The following ALOXE3 variants were observed in gnomAD, a reference collection of about 807,000 sequenced individuals.
ALOXE3 encodes arachidonate epidermal lipoxygenase 3.
Under a neutral mutation model 87.5 loss-of-function variants are expected in ALOXE3, and 78 were observed. The observed-to-expected ratio is 0.89, with a 90% CI of 0.74 to 1.08. The LOEUF (loss-of-function observed/expected upper bound fraction) is 1.08, where lower values mean the gene tolerates loss of function less well. Among genes scored for constraint, ALOXE3 ranks in the 50% least tolerant of loss-of-function variants. ALOXE3 has a pLI of 0.00. For synonymous variants in ALOXE3, 363 were observed against 370.8 expected (o/e 0.98, Z 0.24); for missense variants, 946 against 912.4 (o/e 1.04, Z -0.47).
intron 13 of ALOXE3, among the ~76,000 whole-genome samples, chr17:8,104,692 G>C (rs1979160787): frequency 6.6e-6 from 1 of 152,240 alleles, no homozygotes; most frequent in Non-Finnish European, 1.5e-5. Flanking sequence ...ACCAGAGCTT[G>C]GCTCTTTGAG....
Position 8,118,120 on chromosome 17 carries a change from C to G in ALOXE3, c.-130G>C, listed in dbSNP as rs759559037. 4.1e-5 allele frequency: 63 copies of G among 1,551,976 alleles called. No homozygotes were observed. The highest frequency in any genetic ancestry group is 4.0e-5 in the Non-Finnish European group (46 of 1,147,696). On this transcript the variant is annotated 5_prime_UTR_variant, in exon 2 of 16. Transcript: ENST00000448843. Reference sequence around the variant, plus strand: ...CTAGGGGCTGCGGGGCTGGGTAGGGCTGAGGATGGGCCCAGCTCTCTCTGG... The same window carrying G: ...CTAGGGGCTGCGGGGCTGGGTAGGGGTGAGGATGGGCCCAGCTCTCTCTGG...
intron 7 of ALOXE3, 56 bp downstream of exon 7, chr17:8,112,037 G>C: frequency 6.7e-7 from 1 of 1,483,988 alleles, no homozygotes. Flanking sequence ...GGAGAGGAAG[G>C]GGTCTGAGCA....
chr17:8,104,045 C>T, intron 14 of ALOXE3, 70 bp downstream of exon 14: 8 of 1,416,324 alleles, frequency 5.6e-6, no homozygotes, highest in African/African-American at 1.4e-5. Flanking sequence ...CCCAAGCTCT[C>T]AACCCAAATT....
At chr17:8,104,080 C>A in intron 14 of ALOXE3, 35 bp downstream of exon 14, 1 of 1,588,452 alleles carries the variant, frequency 6.3e-7, no homozygotes, top group Non-Finnish European at 8.6e-7. Context: ...ATTGCTGAGA[C>A]CTGATGTCCC....
In ALOXE3 at chr17:8,098,228, G is replaced by GTTTTT. The variant is rs201308859; in HGVS notation, c.1957-1427_1957-1423dup. ...CAGTGTTTTTTGAAATATACTTTTG[G>GTTTTT]TTTTTGTTTTTTTTTTTTTTTTTTT... On this transcript the variant is annotated intron_variant, in intron 15 of 15. Transcript: ENST00000448843. Among the ~76,000 whole-genome samples, 21 of 88,130 alleles carry GTTTTT rather than the reference G, an allele frequency of 2.4e-4. 1 individual carries two copies. Among genetic ancestry groups the GTTTTT allele is most frequent in the East Asian group, 1.5e-3 (4 of 2,706 alleles). 57.8% of individuals were successfully genotyped at this position (88,130 alleles called of 152,430 possible).
rs770416390 is a variant in ALOXE3 at position 8,108,458 on chromosome 17, G to C, written c.1684+10C>G. 8.7e-6 allele frequency: 14 copies of C among 1,612,114 alleles called. No individual in the cohort carries two copies. Among genetic ancestry groups the C allele is most frequent in the Admixed American group, 3.3e-5 (2 of 59,942 alleles). On this transcript the variant is annotated intron_variant, in intron 13 of 15. Coordinates refer to ENST00000448843, the MANE Select transcript of ALOXE3 (RefSeq NM_021628.3). ...AGAGCTACACGGAAAGTGGGATAGA[G>C]AGGGGATACCTGAGCTTTCCCGGCC...
In ALOXE3 at chr17:8,118,245, T is replaced by A. The variant is rs1186216946; in HGVS notation, c.-255A>T. On this transcript the variant is annotated 5_prime_UTR_variant, in exon 2 of 16. Transcript: ENST00000448843. ...ACTCTAATACTTGTTTGCTTGCCTC[T>A]GACACAGCCGGTCCCTCTGGCTGGC... 1 of 1,551,720 alleles carries A rather than the reference T, an allele frequency of 6.4e-7. No homozygotes were observed.
Position 8,104,191 on chromosome 17 carries a change from G to C in ALOXE3, c.1709C>G (p.Pro570Arg). 6.2e-7 allele frequency: 1 copy of C among 1,613,912 alleles called. No individual in the cohort carries two copies. Among genetic ancestry groups the C allele is most frequent in the Non-Finnish European group, 8.5e-7 (1 of 1,179,936 alleles). Residue 570 changes from proline to arginine, a missense_variant, in exon 14 of 16, where the codon CCA (proline) becomes CGA (arginine). Transcript: ENST00000448843. ...SSGFPSRLCTPGEMVKFLTAI... is the reference protein window; with the variant it reads ...SSGFPSRLCTRGEMVKFLTAI... ...AGTGAGGAACTTCACCATCTCTCCT[G>C]GGGTGCACAGCCGGCTTGGGAAACC...
chr17:8,099,660 C>CA (rs765798080), intron 15 of ALOXE3, among the ~76,000 whole-genome samples: 13,505 of 107,738 alleles, frequency 0.13, 698 homozygotes, highest in Middle Eastern at 0.21. Flanking sequence ...GACTCTGTCT[C>CA]AAAAAAAAAA....
chr17:8,117,486 T>G (rs1290057441), intron 2 of ALOXE3, among the ~76,000 whole-genome samples: 1 of 152,180 alleles, frequency 6.6e-6, no homozygotes, highest in East Asian at 1.9e-4. Context: ...CTAGGCCGGC[T>G]GGGAACTCTT....
chr17:8,105,374 C>T (rs1979220787), intron 13 of ALOXE3, among the ~76,000 whole-genome samples: 2 of 152,138 alleles, frequency 1.3e-5, no homozygotes, highest in South Asian at 4.1e-4. Context: ...TGCATCAGCT[C>T]CTGAGAGGCC....
intron 13 of ALOXE3, 51 bp from the exon 14 acceptor site, chr17:8,104,266 C>T (rs1055751244): frequency 1.4e-6 from 2 of 1,410,554 alleles, no homozygotes; most frequent in Non-Finnish European, 2.0e-6. Flanking sequence ...TACTGGATTC[C>T]TAGGGCCAGC....
intron 8 of ALOXE3, 99 bp downstream of exon 8, chr17:8,111,260 G>A: frequency 1.4e-6 from 2 of 1,466,412 alleles, no homozygotes; most frequent in East Asian, 2.3e-5. Flanking sequence ...GTGAAATGCA[G>A]CCCAGGCCAT....
At position 8,104,137 on chromosome 17, in the gene ALOXE3, T is replaced by C. The variant is rs1031908205; in HGVS notation, c.1763A>G (p.His588Arg). 1 of 1,613,876 alleles carries C rather than the reference T, an allele frequency of 6.2e-7. No homozygotes were observed. Among genetic ancestry groups the C allele is most frequent in the Non-Finnish European group, 8.5e-7 (1 of 1,179,966 alleles). ...CACCTGCCCACTGTTGACAGCAGCG[T>C]GCTGGGCAGAGCAATTGAAGATGAT... ...TAIIFNCSAQ[H>R]AAVNSGQHDF... Residue 588 changes from histidine (H) to arginine (R), a missense_variant, in exon 14 of 16, where the codon CAC (histidine) becomes CGC (arginine). Physicochemically the swap from His to Arg is conservative, Grantham distance 29. Coordinates refer to ENST00000448843, the MANE Select transcript of ALOXE3 (RefSeq NM_021628.3).
chr17:8,113,816 C>T (rs1027884925), intron 6 of ALOXE3, among the ~76,000 whole-genome samples: 23 of 152,022 alleles, frequency 1.5e-4, no homozygotes, highest in Admixed American at 7.9e-4. Context: ...CACCTGAGGT[C>T]GGGAGTTTGA....
chr17:8,118,444 T>C (rs1470337423), intron 1 of ALOXE3, 42 bp downstream of exon 1: 3 of 1,550,502 alleles, frequency 1.9e-6, no homozygotes, highest in Non-Finnish European at 2.6e-6. Flanking sequence ...TCCCCCAAGA[T>C]CTGTTCCTCC....
intron 14 of ALOXE3, 31 bp downstream of exon 14, chr17:8,104,084 A>G: frequency 1.3e-6 from 2 of 1,594,904 alleles, no homozygotes; most frequent in East Asian, 2.2e-5. Flanking sequence ...CTGAGACCTG[A>G]TGTCCCCAGG....
chr17:8,110,416 G>A lies in ALOXE3; in HGVS notation c.1070C>T (p.Pro357Leu). Residue 357 changes from proline to leucine, a missense_variant, in exon 9 of 16, where the codon CCC (proline) becomes CTC (leucine). Pro to Leu is a moderately conservative substitution (Grantham distance 98). Transcript: ENST00000448843. ...GGCCAAGGGCACCAGCGCCCCCTGG[G>A]GGCTGAGCCACAGCAGGCACAGTGG... ...AAPLCLLWLS[P>L]QGALVPLAIQ... 1 of 1,611,104 alleles carries A rather than the reference G, an allele frequency of 6.2e-7. No homozygotes were observed. The highest frequency in any genetic ancestry group is 8.5e-7 in the Non-Finnish European group (1 of 1,178,388).
intron 3 of ALOXE3, among the ~76,000 whole-genome samples, chr17:8,115,992 C>T (rs1289327492): frequency 6.6e-6 from 1 of 152,256 alleles, no homozygotes; most frequent in East Asian, 1.9e-4. Flanking sequence ...GTATTCCCGG[C>T]TTCTAGCATG....
Sources: gnomAD v4.1 joint callset for allele counts (sites outside exome capture counted in the v4.1 genomes callset) on GRCh38, gnomAD v4.1.1 for gene constraint, MANE v1.5 for transcripts, NCBI Gene and HGNC (gene_info 2026-07-23, HGNC 2026-07-21) for gene names.